Variants in PCDHA4 observed in about 807,000 individuals in gnomAD.
The protein encoded by PCDHA4 is protocadherin alpha 4.
A neutral mutation model predicts 61.4 loss-of-function variants in PCDHA4; 49 were observed. The observed-to-expected ratio is 0.80, with a 90% CI of 0.63 to 1.01. The LOEUF is 1.01. Among genes scored for constraint, PCDHA4 ranks in the 50% least tolerant of loss-of-function variants. PCDHA4 has a pLI of 0.00. For missense variants in PCDHA4, 1,254 were observed against 1,235.8 expected (o/e 1.01, Z -0.22); for synonymous variants, 590 against 550.3 (o/e 1.07, Z -1.01).
intron 1 of PCDHA4, chr5:140,969,446 C>A (rs782526198): frequency 6.5e-7 from 1 of 1,541,082 alleles, no homozygotes; most frequent in African/African-American, 1.4e-5. Flanking sequence ...ATCTGGTAAA[C>A]TGAGTATATA....
chr5:140,947,103 G>A (rs1355984234), intron 1 of PCDHA4, among the ~76,000 whole-genome samples: 1 of 151,176 alleles, frequency 6.6e-6, no homozygotes, highest in Admixed American at 6.6e-5. Flanking sequence ...CCATAAATAG[G>A]TACGTGTCAA....
chr5:140,962,944 G>T (rs572517623), intron 1 of PCDHA4, among the ~76,000 whole-genome samples: 1 of 152,158 alleles, frequency 6.6e-6, no homozygotes, highest in East Asian at 1.9e-4. Flanking sequence ...CTCTCCATAA[G>T]ATATGCTCTA....
intron 1 of PCDHA4, among the ~76,000 whole-genome samples, chr5:140,832,590 A>G (rs1369874784): frequency 6.6e-6 from 1 of 152,206 alleles, no homozygotes; most frequent in Admixed American, 6.5e-5. Flanking sequence ...GGAAGTAGAG[A>G]ACTATAGCGT....
intron 1 of PCDHA4, among the ~76,000 whole-genome samples, chr5:140,901,565 G>A (rs1554189898): frequency 6.6e-6 from 1 of 152,062 alleles, no homozygotes; most frequent in African/African-American, 2.4e-5. Context: ...CTATGTGTCT[G>A]TTTTTATGCC....
intron 1 of PCDHA4, chr5:140,858,561 C>A: frequency 7.3e-7 from 1 of 1,370,342 alleles, no homozygotes; most frequent in South Asian, 1.3e-5. Context: ...TTGAATATTT[C>A]TAGTGATACC....
intron 1 of PCDHA4, chr5:140,828,223 C>A (rs1417761655): frequency 1.2e-6 from 2 of 1,613,878 alleles, no homozygotes; most frequent in African/African-American, 2.7e-5. Context: ...ACGGCACCTT[C>A]GTGGGCCGGA....
intron 1 of PCDHA4, chr5:140,927,277 G>A (rs1554204290): frequency 6.2e-7 from 1 of 1,614,016 alleles, no homozygotes; most frequent in Non-Finnish European, 8.5e-7. Context: ...TGCCGGCGAC[G>A]TGCAGCTGCA....
chr5:140,892,408 G>A (rs1323060042), intron 1 of PCDHA4, among the ~76,000 whole-genome samples: 1 of 152,054 alleles, frequency 6.6e-6, no homozygotes, highest in African/African-American at 2.4e-5. Context: ...TCAAGCTTCA[G>A]GTATTCTAGA....
chr5:140,930,044 A>G (rs1416118719), intron 1 of PCDHA4: 1 of 152,194 alleles, frequency 6.6e-6, no homozygotes, highest in African/African-American at 2.4e-5. Context: ...ACTGCTTTGG[A>G]GTTTTTGCTT....
rs558801074 is a variant in PCDHA4 at position 140,931,826 on chromosome 5, G to A, written c.2386-47123G>A. On this transcript the variant is annotated intron_variant, in intron 1 of 3. Transcript: ENST00000530339. ...TCTTTAGAAAAGAATTCTTGTCATA[G>A]TATCCTGAATGCCTTAATAACAACA... Among the ~76,000 whole-genome samples, 28 of 151,962 alleles carry A rather than the reference G, an allele frequency of 1.8e-4. No homozygotes were observed. In the South Asian group the frequency reaches 5.4e-3, roughly 29 times the overall value.
At chr5:140,834,764 C>T (rs2150225831) in intron 1 of PCDHA4, 2 of 1,614,098 alleles carry the variant, frequency 1.2e-6, no homozygotes, top group East Asian at 2.2e-5. Flanking sequence ...AGGACATTAA[C>T]GACAACCCTC....
rs144694616 is a variant in PCDHA4, at chr5:140,836,586, G to T, written c.2385+27014G>T. ...GTCCTCTGAGGGCGCATGTAGTTTG[G>T]TAAAGCCCACTCTGGTGTGCTCCAG... On this transcript the variant is annotated intron_variant, in intron 1 of 3. Coordinates refer to ENST00000530339, the MANE Select transcript of PCDHA4 (RefSeq NM_018907.4). The T allele has an allele frequency of 5.6e-6, 9 of 1,613,634 alleles. No homozygotes were observed. The Admixed American group carries it at 1.3e-4, about 24-fold the overall frequency.
At chr5:140,982,092 G>A (rs984553109) in intron 2 of PCDHA4, among the ~76,000 whole-genome samples, 1 of 152,218 alleles carries the variant, frequency 6.6e-6, no homozygotes, top group African/African-American at 2.4e-5. Context: ...CTAGGAACAA[G>A]AGAACCTGCA....
At chr5:140,967,239 G>C in intron 1 of PCDHA4, 1 of 1,613,672 alleles carries the variant, frequency 6.2e-7, no homozygotes, top group Non-Finnish European at 8.5e-7. Flanking sequence ...CTTCAGGTAA[G>C]CGAATCGGTG....
At chr5:140,841,935 C>T in intron 1 of PCDHA4, 1 of 1,613,898 alleles carries the variant, frequency 6.2e-7, no homozygotes, top group South Asian at 1.1e-5. Flanking sequence ...AGAGAGGACG[C>T]TCCTGCGCAC....
At chr5:140,862,902 G>C (rs782710771) in intron 1 of PCDHA4, 1 of 554,284 alleles carries the variant, frequency 1.8e-6, no homozygotes, top group Non-Finnish European at 3.5e-6. Context: ...CTTTGTCTGC[G>C]CTGCTGGCGC....
intron 1 of PCDHA4, chr5:140,822,744 T>C (rs1767420186): frequency 3.7e-6 from 6 of 1,613,748 alleles, no homozygotes; most frequent in Non-Finnish European, 4.2e-6. Context: ...ATGCCATGGA[T>C]AAAAGTACAT....
At chr5:140,859,768 T>A (rs1469606357) in intron 1 of PCDHA4, 1 of 152,934 alleles carries the variant, frequency 6.5e-6, no homozygotes, top group Non-Finnish European at 1.5e-5. Flanking sequence ...ATACTCTCCA[T>A]GCCCTGTCTC....
chr5:140,840,681 G>A (rs1776812728), intron 1 of PCDHA4, among the ~76,000 whole-genome samples: 1 of 152,038 alleles, frequency 6.6e-6, no homozygotes, highest in African/African-American at 2.4e-5. Flanking sequence ...TATTACTTTA[G>A]TAAATAAAAC....
Sources: allele counts gnomAD v4.1 joint callset (sites outside exome capture counted in the v4.1 genomes callset), GRCh38; gene constraint gnomAD v4.1.1; transcripts MANE v1.5; gene names NCBI Gene and HGNC (gene_info 2026-07-23, HGNC 2026-07-21).